The following LRRTM4 variants were observed in gnomAD, a reference collection of about 807,000 sequenced individuals.
LRRTM4 encodes the protein leucine-rich repeat transmembrane neuronal protein 4.
A neutral mutation model predicts 47.6 loss-of-function variants in LRRTM4; 25 were observed. The ratio of observed to expected loss-of-function variants is 0.53; its 90% CI spans 0.38 to 0.73. The LOEUF (loss-of-function observed/expected upper bound fraction) is 0.73, where lower values mean the gene tolerates loss of function less well. Ranked by LOEUF, LRRTM4 falls within the 30% of genes least tolerant of loss-of-function variation. The probability of loss-of-function intolerance (pLI) is 0.00; values close to 1 mark genes in which losing one functional copy is unlikely to be tolerated. For missense variants in LRRTM4, 638 were observed against 713.4 expected (o/e 0.89, Z 1.20); for synonymous variants, 311 against 269.5 (o/e 1.15, Z -1.51).
intron 3 of LRRTM4, among the ~76,000 whole-genome samples, chr2:77,278,122 G>A (rs1470547665): frequency 6.6e-6 from 1 of 151,882 alleles, no homozygotes; most frequent in Non-Finnish European, 1.5e-5. Flanking sequence ...CTTATAATTA[G>A]AAGTCCAAGG....
intron 3 of LRRTM4, among the ~76,000 whole-genome samples, chr2:77,162,984 G>A (rs1352636688): frequency 6.6e-6 from 1 of 152,210 alleles, no homozygotes; most frequent in African/African-American, 2.4e-5. Context: ...ACTTTGATGA[G>A]TTGAGAGAAG....
chr2:76,886,446 G>C (rs990602369), intron 3 of LRRTM4, among the ~76,000 whole-genome samples: 1 of 152,056 alleles, frequency 6.6e-6, no homozygotes, highest in Non-Finnish European at 1.5e-5. Flanking sequence ...TCAAGAGTAA[G>C]TGAACATTTC....
At chr2:77,417,054 A>C (rs1224759049) in intron 3 of LRRTM4, among the ~76,000 whole-genome samples, 1 of 152,082 alleles carries the variant, frequency 6.6e-6, no homozygotes, top group African/African-American at 2.4e-5. Flanking sequence ...CAAGAAAAAA[A>C]CAAACAACCC....
intron 3 of LRRTM4, among the ~76,000 whole-genome samples, chr2:76,996,139 T>C (rs1677195806): frequency 6.6e-6 from 1 of 152,016 alleles, no homozygotes; most frequent in African/African-American, 2.4e-5. Context: ...CAATTAGAAA[T>C]TCTGAAAATT....
rs1457890331 is a variant in LRRTM4 at position 77,519,261 on chromosome 2, C to T, written c.608G>A (p.Gly203Asp). 1 of 1,613,192 alleles carries T rather than the reference C, an allele frequency of 6.2e-7. No individual in the cohort carries two copies. Among genetic ancestry groups the T allele is most frequent in the African/African-American group, 1.3e-5 (1 of 74,832 alleles). The change falls in exon 3 of 4, where the codon GGC (glycine) becomes GAC (aspartate). Residue 203 changes from glycine (G) to aspartate (D), a missense_variant. Coordinates refer to ENST00000409884, the MANE Select transcript of LRRTM4 (RefSeq NM_001134745.3). This position sits in a 1 kb window ranked among gnomAD's most constrained non-coding sequence, Gnocchi z 4.6. ...GTGGAGCTCCTTTAACTTCAAGAGG[C>T]CAGCAAATGCATTTCGGGACAAGCT... ...LRSLSRNAFAGLLKLKELHLE... is the reference protein window; with the variant it reads ...LRSLSRNAFADLLKLKELHLE...
intron 3 of LRRTM4, among the ~76,000 whole-genome samples, chr2:77,265,160 TTATC>T (rs1676018163): frequency 6.6e-6 from 1 of 152,134 alleles, no homozygotes; most frequent in African/African-American, 2.4e-5. Context: ...AAAGGTGATT[TTATC>T]TATTTCCTAC....
intron 3 of LRRTM4, among the ~76,000 whole-genome samples, chr2:77,189,166 T>C (rs538114507): frequency 6.6e-6 from 1 of 152,090 alleles, no homozygotes; most frequent in Non-Finnish European, 1.5e-5. Flanking sequence ...GAATAAAAAG[T>C]AAAACCTACC....
intron 3 of LRRTM4, among the ~76,000 whole-genome samples, chr2:77,068,457 C>A (rs1318305608): frequency 5.3e-5 from 8 of 152,170 alleles, no homozygotes; most frequent in African/African-American, 1.9e-4. Flanking sequence ...GCATTCATTT[C>A]TCATGCTCTC....
intron 3 of LRRTM4, among the ~76,000 whole-genome samples, chr2:77,358,960 C>T (rs189553064): frequency 6.6e-6 from 1 of 152,228 alleles, no homozygotes; most frequent in Admixed American, 6.5e-5. Flanking sequence ...TCAACTAATA[C>T]AACTTTTTCT....
intron 3 of LRRTM4, among the ~76,000 whole-genome samples, chr2:77,069,591 T>C (rs924307380): frequency 2.6e-5 from 4 of 152,232 alleles, no homozygotes; most frequent in African/African-American, 9.6e-5. Context: ...TCTGGTGTCC[T>C]ATTACTTCGT....
chr2:77,224,931 A>G (rs1450866568), intron 3 of LRRTM4, among the ~76,000 whole-genome samples: 1 of 152,144 alleles, frequency 6.6e-6, no homozygotes, highest in African/African-American at 2.4e-5. Flanking sequence ...TTGTTGTGGC[A>G]CTATTCACAA....
At chr2:77,353,665 T>C (rs913206353) in intron 3 of LRRTM4, among the ~76,000 whole-genome samples, 1 of 151,828 alleles carries the variant, frequency 6.6e-6, no homozygotes, top group Non-Finnish European at 1.5e-5. Flanking sequence ...AGCTTTTTCA[T>C]GTGTAAGAAT....
chr2:77,293,574 TGACA>T (rs1432897329), intron 3 of LRRTM4, among the ~76,000 whole-genome samples: 6 of 152,292 alleles, frequency 3.9e-5, no homozygotes, highest in East Asian at 3.9e-4. Flanking sequence ...TATGCATTTT[TGACA>T]GACAGACAAG....
At chr2:77,145,318 GA>G in intron 3 of LRRTM4, among the ~76,000 whole-genome samples, 1 of 150,670 alleles carries the variant, frequency 6.6e-6, no homozygotes, top group Admixed American at 6.6e-5. Flanking sequence ...TACAAAAGTT[GA>G]AAAAATTAAA....
rs540653984 is a variant in LRRTM4 at position 76,875,061 on chromosome 2, G to A, written c.1552-126145C>T. Among the ~76,000 whole-genome samples the A allele has an allele frequency of 3.3e-5, 5 of 152,146 alleles. 1 individual carries two copies. In the South Asian group the frequency reaches 1.0e-3, roughly 32 times the overall value. On this transcript the variant is annotated intron_variant, in intron 3 of 3. Coordinates refer to ENST00000409884, the MANE Select transcript of LRRTM4 (RefSeq NM_001134745.3). ...ATTTAGTTTTTGAAGTCATTTTAAT[G>A]TCTATAGATTCTACTTCACAATGAC...
intron 3 of LRRTM4, among the ~76,000 whole-genome samples, chr2:76,977,890 A>C (rs1648636098): frequency 6.6e-6 from 1 of 152,010 alleles, no homozygotes; most frequent in Non-Finnish European, 1.5e-5. Context: ...TGGTGAAAAC[A>C]GTGGGATGTC....
chr2:77,066,975 G>A (rs1013295114), intron 3 of LRRTM4, among the ~76,000 whole-genome samples: 1 of 152,176 alleles, frequency 6.6e-6, no homozygotes, highest in Non-Finnish European at 1.5e-5. Flanking sequence ...CCCCATGGGG[G>A]AAGTGCCAAA....
chr2:77,402,512 T>G (rs1195179238), intron 3 of LRRTM4, among the ~76,000 whole-genome samples: 1 of 152,024 alleles, frequency 6.6e-6, no homozygotes. Flanking sequence ...TCAGCTGTCA[T>G]GCACACTGGC....
intron 3 of LRRTM4, among the ~76,000 whole-genome samples, chr2:77,304,961 T>C (rs1377067386): frequency 1.3e-5 from 2 of 152,096 alleles, no homozygotes; most frequent in East Asian, 3.8e-4. Flanking sequence ...TAATATAACA[T>C]GAATTATGCA....
Sources: gnomAD v4.1 joint callset for allele counts (sites outside exome capture counted in the v4.1 genomes callset) on GRCh38, gnomAD v4.1.1 for gene constraint, Gnocchi (gnomAD v3.1) non-coding constraint, MANE v1.5 for transcripts, NCBI Gene and HGNC (gene_info 2026-07-23, HGNC 2026-07-21) for gene names.